Variants in DSE observed in about 807,000 individuals in gnomAD.
DSE encodes dermatan sulfate epimerase, also known as dermatan-sulfate epimerase.
DSE carries 36 observed loss-of-function variants against 84.4 expected under a neutral mutation model. The observed-to-expected ratio is 0.43, with a 90% confidence interval of 0.33 to 0.56. The LOEUF is 0.56. Ranked by LOEUF, DSE falls within the 20% of genes least tolerant of loss-of-function variation. The pLI is 0.06. For missense variants in DSE, 862 were observed against 1,169.6 expected, an observed-to-expected ratio of 0.74 and a Z score of 3.84; for synonymous variants, 410 against 430.1, an observed-to-expected ratio of 0.95 and a Z score of 0.58.
intron 2 of DSE, among the ~76,000 whole-genome samples, chr6:116,336,366 T>C (rs1777249722): frequency 6.6e-6 from 1 of 152,116 alleles, no homozygotes; most frequent in African/African-American, 2.4e-5. Context: ...TTTGTAAGAG[T>C]TGTGTTAAAG....
At chr6:116,279,676 C>T (rs1345911945) in intron 2 of DSE, 2 of 1,609,172 alleles carry the variant, frequency 1.2e-6, no homozygotes, top group East Asian at 4.5e-5. Flanking sequence ...CTCCGAGCCT[C>T]CCTCACCCGG....
intron 2 of DSE, among the ~76,000 whole-genome samples, chr6:116,321,968 G>A (rs899763667): frequency 5.9e-5 from 9 of 152,064 alleles, no homozygotes; most frequent in African/African-American, 1.4e-4. Context: ...CTCAGACACC[G>A]AGTTAAAGAA....
At chr6:116,258,011 TA>T (rs766742618) in intron 1 of DSE, among the ~76,000 whole-genome samples, 3 of 152,166 alleles carry the variant, frequency 2.0e-5, no homozygotes, top group Non-Finnish European at 2.9e-5. Context: ...ATATAACATT[TA>T]TTTTTTACTT....
intron 2 of DSE, among the ~76,000 whole-genome samples, chr6:116,404,769 A>ATGT (rs1781809272): frequency 6.6e-6 from 1 of 152,216 alleles, no homozygotes. Context: ...CATTTTAGCT[A>ATGT]TGTTGTCACT....
intron 2 of DSE, 116 bp downstream of exon 2, chr6:116,399,782 G>A (rs1781485676): frequency 2.0e-6 from 2 of 1,024,578 alleles, no homozygotes; most frequent in Non-Finnish European, 2.8e-6. Context: ...TGTGTGGGGG[G>A]AGGTGTTATT....
At chr6:116,357,919 G>C (rs1005056586) in intron 2 of DSE, among the ~76,000 whole-genome samples, 1 of 152,166 alleles carries the variant, frequency 6.6e-6, no homozygotes, top group Admixed American at 6.5e-5. Context: ...TCAAGTTTAA[G>C]CTGATCTGTC....
At chr6:116,413,243 T>C (rs970773087) in intron 2 of DSE, among the ~76,000 whole-genome samples, 1 of 152,260 alleles carries the variant, frequency 6.6e-6, no homozygotes, top group Non-Finnish European at 1.5e-5. Flanking sequence ...ATTTAAATTA[T>C]GCCTTGTCCT....
intron 2 of DSE, among the ~76,000 whole-genome samples, chr6:116,268,506 A>G (rs80184293): frequency 0.01 from 1,586 of 152,356 alleles, 25 homozygotes; most frequent in African/African-American, 0.036. Context: ...CTTAAAAAAT[A>G]ATGAATTTTT....
At chr6:116,316,781 T>G (rs1048883960) in intron 2 of DSE, among the ~76,000 whole-genome samples, 11 of 151,446 alleles carry the variant, frequency 7.3e-5, no homozygotes, top group South Asian at 4.2e-4. Context: ...TGATTAAGCT[T>G]CTTCTTCTTT....
At chr6:116,283,137 C>T (rs1156633595) in intron 2 of DSE, among the ~76,000 whole-genome samples, 3 of 152,136 alleles carry the variant, frequency 2.0e-5, no homozygotes, top group Non-Finnish European at 4.4e-5. Flanking sequence ...TACCAAAAAC[C>T]TGTCTTGCTT....
chr6:116,403,317 AG>A (rs1562285883), intron 2 of DSE, among the ~76,000 whole-genome samples: 1 of 152,118 alleles, frequency 6.6e-6, no homozygotes, highest in East Asian at 1.9e-4. Flanking sequence ...AAAATTAAAA[AG>A]GTATTATTTT....
At chr6:116,329,371 A>G (rs955844341) in intron 2 of DSE, among the ~76,000 whole-genome samples, 3 of 152,256 alleles carry the variant, frequency 2.0e-5, no homozygotes, top group African/African-American at 7.2e-5. Context: ...CACAATCATT[A>G]CAAGCTTTGG....
intron 2 of DSE, among the ~76,000 whole-genome samples, chr6:116,268,199 T>C (rs1382477279): frequency 6.6e-6 from 1 of 152,198 alleles, no homozygotes; most frequent in Admixed American, 6.5e-5. Context: ...CTTTTTACAG[T>C]AGTTTTTCTA....
upstream of DSE, among the ~76,000 whole-genome samples, chr6:116,367,547 G>GACA (rs1006056937): frequency 2.6e-5 from 4 of 152,126 alleles, no homozygotes; most frequent in Admixed American, 6.5e-5. Flanking sequence ...AACTAAGGAC[G>GACA]ACAACAACAA....
At chr6:116,331,039 G>A (rs1776904086) in intron 2 of DSE, among the ~76,000 whole-genome samples, 1 of 152,114 alleles carries the variant, frequency 6.6e-6, no homozygotes, top group Admixed American at 6.5e-5. Flanking sequence ...AATTGTACTA[G>A]ATGCAGAAAA....
At chr6:116,372,267 G>C (rs1779640721) in intron 1 of DSE, among the ~76,000 whole-genome samples, 1 of 152,182 alleles carries the variant, frequency 6.6e-6, no homozygotes. Flanking sequence ...AGGAGATCGA[G>C]ACCATCCTGG....
At chr6:116,343,732 C>T (rs1777767680) in intron 2 of DSE, among the ~76,000 whole-genome samples, 1 of 152,176 alleles carries the variant, frequency 6.6e-6, no homozygotes, top group Admixed American at 6.5e-5. Context: ...TCTTCTCCTC[C>T]AAAGGAATGC....
intron 2 of DSE, chr6:116,279,025 T>C: frequency 6.2e-7 from 1 of 1,613,938 alleles, no homozygotes; most frequent in Non-Finnish European, 8.5e-7. Context: ...AATGATGTAG[T>C]TCCTCCGCTC....
At chr6:116,271,411 A>G (rs1278678853) in intron 2 of DSE, among the ~76,000 whole-genome samples, 1 of 152,238 alleles carries the variant, frequency 6.6e-6, no homozygotes. Context: ...GGAAAGGAGC[A>G]GTTGGAGCTG....
Sources: gnomAD v4.1 joint callset for allele counts (sites outside exome capture counted in the v4.1 genomes callset) on GRCh38, gnomAD v4.1.1 for gene constraint, MANE v1.5 for transcripts, NCBI Gene and HGNC (gene_info 2026-07-23, HGNC 2026-07-21) for gene names.